Variants in SPAG16 observed in about 807,000 individuals in gnomAD.
The protein encoded by SPAG16 is sperm-associated antigen 16 protein.
In SPAG16, 86 loss-of-function variants were observed where a neutral mutation model predicts 80.4. That is an observed-to-expected ratio of 1.07 (90% CI 0.90 to 1.28). SPAG16 has a LOEUF of 1.28. Among genes scored for constraint, SPAG16 ranks in the 50% most tolerant of loss-of-function variants. The pLI is 0.00. For missense variants in SPAG16, 870 were observed against 765.3 expected, an observed-to-expected ratio of 1.14 and a Z score of -1.61; for synonymous variants, 294 against 265.9, an observed-to-expected ratio of 1.11 and a Z score of -1.03.
At chr2:213,618,630 A>C (rs1171126550) in intron 10 of SPAG16, among the ~76,000 whole-genome samples, 1 of 152,024 alleles carries the variant, frequency 6.6e-6, no homozygotes, top group African/African-American at 2.4e-5. Context: ...ATTATCATTT[A>C]TCCTATGCCT....
intron 14 of SPAG16, among the ~76,000 whole-genome samples, chr2:214,110,006 TA>T (rs1192391991): frequency 1.3e-5 from 2 of 152,174 alleles, no homozygotes; most frequent in African/African-American, 2.4e-5. Flanking sequence ...TTCTAAATAT[TA>T]AACTTAATAA....
intron 10 of SPAG16, among the ~76,000 whole-genome samples, chr2:213,792,351 A>T (rs1412122472): frequency 6.6e-6 from 1 of 152,156 alleles, no homozygotes; most frequent in East Asian, 1.9e-4. Flanking sequence ...AGTGTGTTGA[A>T]AGGATCATAT....
chr2:213,794,751 C>T (rs1473177189), intron 10 of SPAG16, among the ~76,000 whole-genome samples: 1 of 140,056 alleles, frequency 7.1e-6, no homozygotes, highest in Non-Finnish European at 1.6e-5. Flanking sequence ...TCGAAAAATA[C>T]ACTAAAACTA....
intron 10 of SPAG16, among the ~76,000 whole-genome samples, chr2:213,797,877 G>A (rs1331820020): frequency 6.6e-6 from 1 of 152,186 alleles, no homozygotes; most frequent in African/African-American, 2.4e-5. Context: ...ACTGTGTTTA[G>A]CATATGAGAA....
At chr2:214,335,133 TA>T (rs138283516) in intron 15 of SPAG16, among the ~76,000 whole-genome samples, 176 of 152,300 alleles carry the variant, frequency 1.2e-3, no homozygotes, top group African/African-American at 4.0e-3. Context: ...TGGCCCTTCA[TA>T]ACTGTTCCAG....
intron 10 of SPAG16, among the ~76,000 whole-genome samples, chr2:213,661,743 T>A (rs893889920): frequency 2.0e-5 from 3 of 152,218 alleles, no homozygotes; most frequent in African/African-American, 7.2e-5. Flanking sequence ...ATGATAATGT[T>A]ATTGTTTTTC....
At chr2:213,992,612 T>C (rs1304360119) in intron 12 of SPAG16, among the ~76,000 whole-genome samples, 2 of 152,162 alleles carry the variant, frequency 1.3e-5, no homozygotes, top group Non-Finnish European at 2.9e-5. Context: ...TTTTAAATCA[T>C]AGAATTAAGG....
At chr2:213,882,273 A>G (rs1266387222) in intron 11 of SPAG16, among the ~76,000 whole-genome samples, 1 of 152,112 alleles carries the variant, frequency 6.6e-6, no homozygotes, top group Non-Finnish European at 1.5e-5. Flanking sequence ...TTCATCAGGG[A>G]TACTGACCCA....
At chr2:213,531,043 A>T (rs1344914491) in intron 10 of SPAG16, among the ~76,000 whole-genome samples, 1 of 152,092 alleles carries the variant, frequency 6.6e-6, no homozygotes, top group Non-Finnish European at 1.5e-5. Flanking sequence ...CTCTTGAGCT[A>T]TATCCTTTTA....
At chr2:214,343,900 T>C (rs1576832349) in intron 15 of SPAG16, among the ~76,000 whole-genome samples, 1 of 152,254 alleles carries the variant, frequency 6.6e-6, no homozygotes, top group South Asian at 2.1e-4. Flanking sequence ...AACCCAGCAA[T>C]GATACTAAGG....
intron 14 of SPAG16, among the ~76,000 whole-genome samples, chr2:214,123,358 A>T (rs2054310728): frequency 6.6e-6 from 1 of 151,964 alleles, no homozygotes; most frequent in African/African-American, 2.4e-5. Flanking sequence ...ATTGAAAGCA[A>T]CATAATTATG....
At chr2:213,537,652 A>G (rs1009990706) in intron 10 of SPAG16, among the ~76,000 whole-genome samples, 6 of 152,030 alleles carry the variant, frequency 3.9e-5, no homozygotes, top group Non-Finnish European at 8.8e-5. Flanking sequence ...TTTTTGGCAA[A>G]GCCACCTCTT....
intron 14 of SPAG16, among the ~76,000 whole-genome samples, chr2:214,121,713 C>T (rs577233371): frequency 6.6e-6 from 1 of 151,904 alleles, no homozygotes; most frequent in South Asian, 2.1e-4. Context: ...AAACATGACA[C>T]CGTAAGGTGA....
At position 213,375,099 on chromosome 2, in the gene SPAG16, A is replaced by T; in HGVS notation, c.922A>T (p.Lys308Ter). 1 of 1,607,636 alleles carries T rather than the reference A, an allele frequency of 6.2e-7. No homozygotes were observed. Among genetic ancestry groups the T allele is most frequent in the Non-Finnish European group, 8.5e-7 (1 of 1,177,496 alleles). Reference protein sequence around the residue: ...EAREQNKCKTKMKGNTKDSEF... With the variant: ...EAREQNKCKT ...CAGGGAACAAAACAAATGTAAAACAAAGATGAAAGGCAATACAAAGGTATG... is the reference window on the plus strand; with the variant it reads ...CAGGGAACAAAACAAATGTAAAACATAGATGAAAGGCAATACAAAGGTATG... Residue 308 changes from lysine to a stop codon, truncating the protein, a stop_gained, in exon 9 of 16, where the codon AAG (lysine) becomes TAG (stop). Coordinates refer to ENST00000331683, the MANE Select transcript of SPAG16 (RefSeq NM_024532.5). LOFTEE classifies it high-confidence loss of function.
chr2:214,099,932 G>A lies in SPAG16; in HGVS notation c.1528-8264G>A, dbSNP rs2052886922. On this transcript the variant is annotated intron_variant, in intron 13 of 15. Transcript: ENST00000331683. ...AAGCCCCTAAGATTTATGCATTTTA[G>A]TGTATGTAAATTATATGTCACTGAT... is the stretch of plus-strand genomic sequence containing the variant. Among the ~76,000 whole-genome samples, 2 of 151,992 alleles carry A rather than the reference G, an allele frequency of 1.3e-5. 1 individual carries two copies. Among genetic ancestry groups the A allele is most frequent in the Non-Finnish European group, 2.9e-5 (2 of 67,978 alleles).
chr2:214,005,155 C>T (rs1284771631), intron 12 of SPAG16, among the ~76,000 whole-genome samples: 1 of 152,120 alleles, frequency 6.6e-6, no homozygotes, highest in Non-Finnish European at 1.5e-5. Context: ...CAGTTTACTG[C>T]CAAGCTTCCA....
chr2:213,681,444 C>T (rs2064372904), intron 10 of SPAG16, among the ~76,000 whole-genome samples: 1 of 152,126 alleles, frequency 6.6e-6, no homozygotes, highest in African/African-American at 2.4e-5. Context: ...AGAGTCTTGA[C>T]TTTCCAGCTA....
intron 15 of SPAG16, among the ~76,000 whole-genome samples, chr2:214,320,672 C>T (rs1342938926): frequency 5.9e-5 from 9 of 152,108 alleles, no homozygotes; most frequent in East Asian, 3.9e-4. Flanking sequence ...GGGGGCAGGG[C>T]GCCTTATAAA....
At chr2:214,288,577 G>A (rs995750063) in intron 15 of SPAG16, among the ~76,000 whole-genome samples, 9 of 151,700 alleles carry the variant, frequency 5.9e-5, no homozygotes, top group African/African-American at 1.9e-4. Context: ...CTCACATCCC[G>A]ATCAGCATCT....
Sources: allele counts gnomAD v4.1 joint callset (sites outside exome capture counted in the v4.1 genomes callset), GRCh38; gene constraint gnomAD v4.1.1; transcripts MANE v1.5; gene names NCBI Gene and HGNC (gene_info 2026-07-23, HGNC 2026-07-21).